Variants in LRRFIP2 observed in about 807,000 individuals in gnomAD.
The protein encoded by LRRFIP2 is LRR binding FLII interacting protein 2.
In LRRFIP2, 109 loss-of-function variants were observed where a neutral mutation model predicts 125.9. The observed-to-expected ratio is 0.87, with a 90% CI of 0.74 to 1.01. LRRFIP2 has a LOEUF of 1.01. LRRFIP2 is among the 50% of genes least tolerant of loss of function. LRRFIP2 has a pLI of 0.00. For synonymous variants in LRRFIP2, 291 were observed against 293.1 expected, an observed-to-expected ratio of 0.99 and a Z score of 0.07; for missense variants, 850 against 862.3, an observed-to-expected ratio of 0.99 and a Z score of 0.18.
rs1396652853 is a variant in LRRFIP2 at position 37,054,529 on chromosome 3, A to G, written c.1951-14T>C. 6.3e-7 allele frequency: 1 copy of G among 1,584,438 alleles called. No individual in the cohort carries two copies. Among genetic ancestry groups the G allele is most frequent in the Non-Finnish European group, 8.7e-7 (1 of 1,154,214 alleles). On this transcript the variant is annotated splice_polypyrimidine_tract_variant and intron_variant, in intron 26 of 27. Transcript: ENST00000336686. ...AAGCCGGCTAATCTGTAAGTATGAG[A>G]ACATAGGCCTCTAGTACTGGGCACT...
intron 6 of LRRFIP2, 150 bp downstream of exon 6, chr3:37,121,342 T>C (rs991012856): frequency 3.0e-6 from 2 of 673,550 alleles, no homozygotes; most frequent in Admixed American, 2.8e-5. Flanking sequence ...AAAGAAAGCA[T>C]CATTTTCCAA....
intron 19 of LRRFIP2, among the ~76,000 whole-genome samples, chr3:37,080,816 T>C (rs2092576215): frequency 1.3e-5 from 2 of 152,210 alleles, no homozygotes; most frequent in Admixed American, 1.3e-4. Context: ...TTAAAAGATT[T>C]ATCAACTCAT....
In LRRFIP2 at chr3:37,063,751, T is replaced by C. The variant is rs1268079288; in HGVS notation, c.1740A>G (p.Leu580=). Residue 580 remains leucine (L), a synonymous_variant, in exon 24 of 28, where the codon CTA becomes CTG. Transcript: ENST00000336686. ...ATAAGAATGCCTTTACCTGTGACAGTAGTTCTTCCTTCTCTCCAGCAAGTT... is the reference window on the plus strand; with the variant it reads ...ATAAGAATGCCTTTACCTGTGACAGCAGTTCTTCCTTCTCTCCAGCAAGTT... The part of the protein sequence containing the change: ...LRKLAGEKEE[L]LSQIRKLKLQ... The C allele has an allele frequency of 4.3e-6, 7 of 1,611,198 alleles. No homozygotes were observed. The East Asian group carries it at 6.7e-5, about 15-fold the overall frequency.
intron 1 of LRRFIP2, among the ~76,000 whole-genome samples, chr3:37,167,955 G>A (rs1339371543): frequency 2.6e-5 from 4 of 152,168 alleles, no homozygotes; most frequent in Admixed American, 2.6e-4. Flanking sequence ...CAGTCTTGGT[G>A]ACAGAGTGAG....
At chr3:37,166,617 G>A (rs1375594459) in intron 1 of LRRFIP2, among the ~76,000 whole-genome samples, 1 of 152,156 alleles carries the variant, frequency 6.6e-6, no homozygotes, top group African/African-American at 2.4e-5. Flanking sequence ...CAGCACTTTG[G>A]GAGGCTGAGG....
intron 6 of LRRFIP2, among the ~76,000 whole-genome samples, chr3:37,115,554 T>A (rs1223614034): frequency 6.6e-6 from 1 of 152,164 alleles, no homozygotes; most frequent in Non-Finnish European, 1.5e-5. Context: ...ACAAGCATGG[T>A]CAAGCTTACA....
intron 1 of LRRFIP2, among the ~76,000 whole-genome samples, chr3:37,149,286 T>C (rs904655273): frequency 2.7e-4 from 41 of 152,156 alleles, no homozygotes; most frequent in African/African-American, 9.7e-4. Flanking sequence ...TCAGCAGAAA[T>C]TCTACTTAAC....
At chr3:37,121,253 T>C (rs760084569) in intron 6 of LRRFIP2, among the ~76,000 whole-genome samples, 1 of 152,216 alleles carries the variant, frequency 6.6e-6, no homozygotes, top group Non-Finnish European at 1.5e-5. Flanking sequence ...GGTCCTTCTA[T>C]AGAAAAAGAG....
At chr3:37,167,408 C>A (rs1426169657) in intron 1 of LRRFIP2, among the ~76,000 whole-genome samples, 1 of 152,060 alleles carries the variant, frequency 6.6e-6, no homozygotes, top group Admixed American at 6.6e-5. Flanking sequence ...GTAATCCCAG[C>A]ACTTTGGGAG....
intron 18 of LRRFIP2, among the ~76,000 whole-genome samples, chr3:37,091,184 T>C (rs2093413593): frequency 6.6e-6 from 1 of 151,286 alleles, no homozygotes; most frequent in Admixed American, 6.6e-5. Flanking sequence ...GAGACCAGCC[T>C]GGGCAACACA....
At chr3:37,121,754 C>A in intron 4 of LRRFIP2, 63 bp from the exon 5 acceptor site, 1 of 1,523,828 alleles carries the variant, frequency 6.6e-7, no homozygotes, top group Non-Finnish European at 9.1e-7. Flanking sequence ...ATCAGAACAA[C>A]TGAGCAAAGA....
chr3:37,089,802 C>T (rs559221092), intron 18 of LRRFIP2, among the ~76,000 whole-genome samples: 1 of 152,128 alleles, frequency 6.6e-6, no homozygotes, highest in Non-Finnish European at 1.5e-5. Context: ...TTTAATGTAC[C>T]GATTTGTTTG....
intron 19 of LRRFIP2, among the ~76,000 whole-genome samples, chr3:37,078,856 T>G (rs796872748): frequency 1.5e-4 from 23 of 152,276 alleles, no homozygotes; most frequent in African/African-American, 4.6e-4. Context: ...TACTTGAGAA[T>G]CAACCTCAAG....
intron 1 of LRRFIP2, among the ~76,000 whole-genome samples, chr3:37,163,194 T>TA (rs963309209): frequency 6.6e-6 from 1 of 152,234 alleles, no homozygotes; most frequent in Non-Finnish European, 1.5e-5. Flanking sequence ...AGCTTTCATC[T>TA]AATAGCAGCA....
chr3:37,086,000 T>C (rs1033616287), intron 18 of LRRFIP2, among the ~76,000 whole-genome samples: 2 of 152,174 alleles, frequency 1.3e-5, no homozygotes, highest in African/African-American at 2.4e-5. Flanking sequence ...TGCAGAATAA[T>C]ATATAAACAA....
rs1355476111 is a variant in LRRFIP2 at position 37,110,860 on chromosome 3, T to C, written c.513+131A>G. ...AGAGACTCCCACAGACTATATAAATTCAGTTACCAAAAACTAGTATATACG... is the reference window on the plus strand; with the variant it reads ...AGAGACTCCCACAGACTATATAAATCCAGTTACCAAAAACTAGTATATACG... On this transcript the variant is annotated intron_variant, in intron 9 of 27. Transcript: ENST00000336686. 1.2e-5 allele frequency: 8 copies of C among 678,238 alleles called. No individual in the cohort carries two copies. In the South Asian group the frequency reaches 1.2e-4, roughly 10 times the overall value. The allele number at this position is 678,238 out of a possible 1,614,324, so 42.0% of individuals were successfully genotyped here.
At chr3:37,066,995 T>G (rs2090290303) in intron 21 of LRRFIP2, 1 of 152,312 alleles carries the variant, frequency 6.6e-6, no homozygotes, top group African/African-American at 2.4e-5. Flanking sequence ...AAATAAACAC[T>G]GACAAAATAA....
rs1266864529 is a variant in LRRFIP2, at chr3:37,083,806, C to G, written c.1108G>C (p.Glu370Gln). The G allele has an allele frequency of 3.2e-6, 5 of 1,585,536 alleles. No homozygotes were observed. The highest frequency in any genetic ancestry group is 3.4e-6 in the Non-Finnish European group (4 of 1,171,100). The change falls in exon 19 of 28, where the codon GAA becomes CAA. Residue 370 changes from glutamate (E) to glutamine (Q), a missense_variant and splice_region_variant. By Grantham distance (29) the Glu-to-Gln change is conservative. Coordinates refer to ENST00000336686, the MANE Select transcript of LRRFIP2 (RefSeq NM_006309.4). Reference sequence around the variant, plus strand: ...TTTTCTTCCACTTCAGACAAAGATTCCTAAATGAGAGTTAAGTCATCAGTC... The same window carrying G: ...TTTTCTTCCACTTCAGACAAAGATTGCTAAATGAGAGTTAAGTCATCAGTC... ...RYMQGLKELK[E>Q]SLSEVEEKYK... is the part of the protein sequence containing the mutation.
Position 37,140,804 on chromosome 3 carries a change from T to A in LRRFIP2, c.90+8090A>T, listed in dbSNP as rs149736406. Among the ~76,000 whole-genome samples the A allele has an allele frequency of 6.2e-3, 950 of 152,282 alleles. 7 individuals carry two copies. The highest frequency in any genetic ancestry group is 0.021 in the African/African-American group (874 of 41,550). The stretch of plus-strand genomic sequence containing the variant: ...CAAAATATGAAACAAAGACTCATCA[T>A]AAGGGTCCTTCCTCTTTTCTATCCT... On this transcript the variant is annotated intron_variant, in intron 2 of 27. Coordinates refer to ENST00000336686, the MANE Select transcript of LRRFIP2 (RefSeq NM_006309.4).
Sources: allele counts gnomAD v4.1 joint callset (sites outside exome capture counted in the v4.1 genomes callset), GRCh38; gene constraint gnomAD v4.1.1; transcripts MANE v1.5; gene names NCBI Gene and HGNC (gene_info 2026-07-23, HGNC 2026-07-21).